OSBPL1A: variants seen among roughly 807,000 people sequenced by gnomAD.
OSBPL1A encodes oxysterol binding protein like 1A.
In OSBPL1A, 80 loss-of-function variants were observed where a neutral mutation model predicts 137.1. The ratio of observed to expected loss-of-function variants is 0.58; its 90% CI spans 0.49 to 0.70. The LOEUF (loss-of-function observed/expected upper bound fraction) is 0.70, where lower values mean the gene tolerates loss of function less well. OSBPL1A is among the 30% of genes least tolerant of loss of function. The pLI, the probability that OSBPL1A is intolerant of heterozygous loss-of-function variation, is 0.00. For missense variants in OSBPL1A, 970 were observed against 1,129.4 expected (o/e 0.86, Z 2.02); for synonymous variants, 365 against 389.7 (o/e 0.94, Z 0.75).
intron 7 of OSBPL1A, among the ~76,000 whole-genome samples, chr18:24,321,040 A>AAAAAG (rs1555650631): frequency 0.019 from 2,819 of 146,058 alleles, 75 homozygotes; most frequent in Non-Finnish European, 0.029. Flanking sequence ...AAAAAAAAAA[A>AAAAAG]AAAAAGAAAA....
At chr18:24,291,435 T>C (rs898801834) in intron 14 of OSBPL1A, among the ~76,000 whole-genome samples, 1 of 151,724 alleles carries the variant, frequency 6.6e-6, no homozygotes, top group Non-Finnish European at 1.5e-5. Flanking sequence ...AAACTAAAGC[T>C]AGAAAATAGA....
intron 3 of OSBPL1A, 35 bp downstream of exon 3, chr18:24,368,252 A>G (rs1427691056): frequency 1.3e-6 from 2 of 1,485,318 alleles, no homozygotes; most frequent in African/African-American, 2.8e-5. Context: ...AATAATATTT[A>G]CTGTAGTCAT....
chr18:24,346,286 GATT>G (rs1463653151), intron 4 of OSBPL1A, among the ~76,000 whole-genome samples: 2 of 152,124 alleles, frequency 1.3e-5, no homozygotes, highest in African/African-American at 2.4e-5. Flanking sequence ...CTCATGCCCA[GATT>G]ATTTTTTTTA....
Position 24,239,093 on chromosome 18 carries a change from C to A in OSBPL1A, c.1444+127G>T, listed in dbSNP as rs550974802. 44 of 1,110,788 alleles carry A rather than the reference C, an allele frequency of 4.0e-5. No individual in the cohort carries two copies. The African/African-American group carries it at 6.6e-4, about 17-fold the overall frequency. The allele number at this position is 1,110,788 out of a possible 1,614,324, so 68.8% of individuals were successfully genotyped here. On this transcript the variant is annotated intron_variant, in intron 16 of 27. Coordinates refer to ENST00000319481, the MANE Select transcript of OSBPL1A (RefSeq NM_080597.4). ...TCTGGGGAGCTATACCAATACATCG[C>A]TATCTGTTTATTCCAGGAAACTCTA...
chr18:24,264,632 A>C (rs2089526617), intron 15 of OSBPL1A, among the ~76,000 whole-genome samples: 1 of 152,368 alleles, frequency 6.6e-6, no homozygotes, highest in East Asian at 1.9e-4. Flanking sequence ...AACCTGGAAC[A>C]CAGGTATTCT....
chr18:24,181,993 C>A (rs1179832779), intron 18 of OSBPL1A, among the ~76,000 whole-genome samples: 1 of 152,180 alleles, frequency 6.6e-6, no homozygotes, highest in East Asian at 1.9e-4. Context: ...CTACATTTGT[C>A]TTGTAACAAC....
chr18:24,341,237 C>G (rs1206101625), intron 5 of OSBPL1A, among the ~76,000 whole-genome samples: 1 of 152,178 alleles, frequency 6.6e-6, no homozygotes, highest in Non-Finnish European at 1.5e-5. Flanking sequence ...GAACTCCTAA[C>G]CTCAAGTGAT....
rs199652585 is a variant in OSBPL1A at position 24,170,337 on chromosome 18, T to C, written c.2408A>G (p.Asn803Ser). The part of the protein sequence containing the change: ...NDKKNTEEKK[N>S]SKQMSTSEEL... ...TTACAGGATGTTCACCTGTTTGCTG[T>C]TCTTCTTCTCTTCTGTATTTTTCTT... The change falls in exon 24 of 28, where the codon AAC becomes AGC. Residue 803 changes from asparagine to serine, a missense_variant. Around this residue, in one of 2 missense-constraint regions of OSBPL1A, gnomAD observed 323 missense variants for 456.8 expected, o/e 0.71. Transcript: ENST00000319481. The C allele has an allele frequency of 1.5e-5, 25 of 1,613,788 alleles. No individual in the cohort carries two copies. Among genetic ancestry groups the C allele is most frequent in the East Asian group, 8.9e-5 (4 of 44,880 alleles).
intron 16 of OSBPL1A, among the ~76,000 whole-genome samples, chr18:24,236,899 T>C (rs1267996540): frequency 6.6e-6 from 1 of 152,168 alleles, no homozygotes. Context: ...AGAAAGATAG[T>C]GGCTGCTAGA....
At chr18:24,230,447 C>G (rs1004108740) in intron 16 of OSBPL1A, among the ~76,000 whole-genome samples, 8 of 152,096 alleles carry the variant, frequency 5.3e-5, no homozygotes, top group African/African-American at 1.9e-4. Flanking sequence ...CAACAACAAA[C>G]AAACAAAAAC....
chr18:24,391,878 T>G (rs987847926), intron 1 of OSBPL1A, among the ~76,000 whole-genome samples: 4 of 152,176 alleles, frequency 2.6e-5, no homozygotes, highest in African/African-American at 9.7e-5. Context: ...TTCTTTTTTT[T>G]TGAGACAGGG....
intron 1 of OSBPL1A, among the ~76,000 whole-genome samples, chr18:24,389,455 T>C (rs1463442890): frequency 3.3e-5 from 5 of 152,208 alleles, no homozygotes; most frequent in Non-Finnish European, 7.3e-5. Flanking sequence ...CTGGTGACCA[T>C]ACTTGATAGT....
At chr18:24,177,337 C>CA (rs1050347763) in intron 21 of OSBPL1A, among the ~76,000 whole-genome samples, 1 of 152,218 alleles carries the variant, frequency 6.6e-6, no homozygotes, top group Non-Finnish European at 1.5e-5. Flanking sequence ...GGCCTCTAAT[C>CA]CCCAGTTCTG....
chr18:24,231,294 T>TTTTG (rs796931707), intron 16 of OSBPL1A, among the ~76,000 whole-genome samples: 1 of 152,106 alleles, frequency 6.6e-6, no homozygotes, highest in Non-Finnish European at 1.5e-5. Flanking sequence ...TTAAAGTTCT[T>TTTTG]TTTGTTTGTT....
At chr18:24,182,720 A>T (rs1385802456) in intron 18 of OSBPL1A, among the ~76,000 whole-genome samples, 2 of 152,182 alleles carry the variant, frequency 1.3e-5, no homozygotes, top group African/African-American at 4.8e-5. Flanking sequence ...GATGAGGGAA[A>T]ACAGGAATGT....
intron 15 of OSBPL1A, among the ~76,000 whole-genome samples, chr18:24,242,852 G>T (rs966196224): frequency 6.6e-6 from 1 of 152,180 alleles, no homozygotes; most frequent in East Asian, 1.9e-4. Context: ...AAAAATACTT[G>T]CAAATATTCC....
chr18:24,172,331 T>C (rs1466240455), intron 22 of OSBPL1A, 45 bp downstream of exon 22: 1 of 1,414,228 alleles, frequency 7.1e-7, no homozygotes, highest in Non-Finnish European at 1.0e-6. Flanking sequence ...CTAAAACTGC[T>C]TGATGAAAAC....
intron 15 of OSBPL1A, among the ~76,000 whole-genome samples, chr18:24,257,350 G>T (rs1485553855): frequency 2.0e-5 from 3 of 152,036 alleles, no homozygotes; most frequent in African/African-American, 4.8e-5. Context: ...CTAATTTTCA[G>T]TAAAGGTACC....
At chr18:24,375,311 T>A (rs1203405218) in intron 2 of OSBPL1A, among the ~76,000 whole-genome samples, 2 of 68,500 alleles carry the variant, frequency 2.9e-5, no homozygotes, top group African/African-American at 7.4e-5. Flanking sequence ...CAAAACCCTG[T>A]CTCAAAAAAA....
Sources: allele counts gnomAD v4.1 joint callset (sites outside exome capture counted in the v4.1 genomes callset), GRCh38; gene constraint gnomAD v4.1.1; regional missense constraint gnomAD v4.1.1; transcripts MANE v1.5; gene names NCBI Gene and HGNC (gene_info 2026-07-23, HGNC 2026-07-21).